Variants in PCMTD1 observed in about 807,000 individuals in gnomAD.
PCMTD1 encodes the protein protein-L-isoaspartate (D-aspartate) O-methyltransferase domain containing 1, also known as protein-L-isoaspartate O-methyltransferase domain-containing protein 1.
PCMTD1 carries 12 observed loss-of-function variants against 37.6 expected under a neutral mutation model. The ratio of observed to expected loss-of-function variants is 0.32; its 90% CI spans 0.20 to 0.52. The LOEUF is 0.52. Among genes scored for constraint, PCMTD1 ranks in the 20% least tolerant of loss-of-function variants. The pLI is 0.97. For synonymous variants in PCMTD1, 117 were observed against 135.8 expected (o/e 0.86, Z 0.96); for missense variants, 235 against 421.3 (o/e 0.56, Z 3.87).
intron 1 of PCMTD1, among the ~76,000 whole-genome samples, chr8:51,895,234 A>T (rs1415994079): frequency 6.6e-6 from 1 of 152,254 alleles, no homozygotes; most frequent in Non-Finnish European, 1.5e-5. Flanking sequence ...GGAGAGTTGG[A>T]GATGCCAGTT....
intron 3 of PCMTD1, chr8:51,845,009 G>C (rs1213031537): frequency 6.6e-6 from 1 of 152,180 alleles, no homozygotes; most frequent in Admixed American, 6.6e-5. Context: ...CAATTTCAAA[G>C]AGCTCATGGA....
intron 3 of PCMTD1, among the ~76,000 whole-genome samples, chr8:51,836,334 A>G (rs758528159): frequency 6.6e-6 from 1 of 152,238 alleles, no homozygotes; most frequent in Non-Finnish European, 1.5e-5. Context: ...AGAACAATGT[A>G]AAATATCTAA....
chr8:51,872,025 G>T (rs1246869095), intron 1 of PCMTD1, among the ~76,000 whole-genome samples: 3 of 152,138 alleles, frequency 2.0e-5, no homozygotes, highest in Non-Finnish European at 4.4e-5. Flanking sequence ...ACTTGGCTTG[G>T]AAACAGTGTG....
In PCMTD1 at chr8:51,831,556, A is replaced by C; in HGVS notation, c.594T>G (p.Ile198Met). ...CCCAAGTGTTCTGTCCAGTTCGCAT[A>C]ATCTGTGTTAACTATTTAGAGAAAA... ...VMPIEDQLTQ[I>M]MRTGQNTWES... Residue 198 changes from isoleucine (I) to methionine (M), a missense_variant, in exon 5 of 6, where the codon ATT becomes ATG. Ile to Met is a conservative substitution (Grantham distance 10). Transcript: ENST00000522514. 1.9e-6 allele frequency: 3 copies of C among 1,611,918 alleles called. No homozygotes were observed. Among genetic ancestry groups the C allele is most frequent in the Non-Finnish European group, 2.5e-6 (3 of 1,179,028 alleles).
intron 3 of PCMTD1, chr8:51,839,720 C>T (rs1178999625): frequency 1.7e-6 from 1 of 593,840 alleles, no homozygotes; most frequent in Non-Finnish European, 2.1e-6. Flanking sequence ...TTATCACGTG[C>T]CACAGGATGC....
At chr8:51,892,454 G>A (rs567519595) in intron 1 of PCMTD1, among the ~76,000 whole-genome samples, 2 of 152,132 alleles carry the variant, frequency 1.3e-5, no homozygotes, top group South Asian at 4.1e-4. Flanking sequence ...TAACCCCACA[G>A]TTCTCTCCAT....
chr8:51,881,311 A>C (rs575801618), intron 1 of PCMTD1, among the ~76,000 whole-genome samples: 21 of 152,298 alleles, frequency 1.4e-4, no homozygotes, highest in African/African-American at 4.8e-4. Flanking sequence ...AATAATGCCC[A>C]GCAATATCTC....
intron 1 of PCMTD1, among the ~76,000 whole-genome samples, chr8:51,872,315 T>C (rs1017454725): frequency 6.6e-6 from 1 of 152,148 alleles, no homozygotes; most frequent in Non-Finnish European, 1.5e-5. Flanking sequence ...AAGATCCACA[T>C]ATCTTTCAGC....
intron 3 of PCMTD1, among the ~76,000 whole-genome samples, chr8:51,840,630 T>A (rs2038134809): frequency 6.6e-6 from 1 of 152,052 alleles, no homozygotes; most frequent in African/African-American, 2.4e-5. Context: ...ATGAAGTGAA[T>A]AAAAGATGAC....
chr8:51,859,154 G>C (rs1393922851), intron 2 of PCMTD1, among the ~76,000 whole-genome samples: 3 of 152,100 alleles, frequency 2.0e-5, no homozygotes, highest in Non-Finnish European at 2.9e-5. Flanking sequence ...GCACTTTCAG[G>C]CTGGCCAAAC....
At chr8:51,892,930 G>A (rs2038955805) in intron 1 of PCMTD1, among the ~76,000 whole-genome samples, 1 of 152,174 alleles carries the variant, frequency 6.6e-6, no homozygotes, top group Non-Finnish European at 1.5e-5. Context: ...GGCTGAGGAA[G>A]ATACATTTTC....
intron 1 of PCMTD1, among the ~76,000 whole-genome samples, chr8:51,885,878 T>C (rs2038858949): frequency 6.6e-6 from 1 of 152,224 alleles, no homozygotes; most frequent in South Asian, 2.1e-4. Flanking sequence ...ACAAAAACAC[T>C]TTCAAAGATA....
chr8:51,893,253 TATTA>T (rs2129295995), intron 1 of PCMTD1, among the ~76,000 whole-genome samples: 1 of 152,310 alleles, frequency 6.6e-6, no homozygotes, highest in East Asian at 1.9e-4. Flanking sequence ...ATTAATTACT[TATTA>T]GTTAGATAAA....
At chr8:51,826,252 A>T (rs1468281588) in intron 5 of PCMTD1, among the ~76,000 whole-genome samples, 1 of 152,238 alleles carries the variant, frequency 6.6e-6, no homozygotes, top group Non-Finnish European at 1.5e-5. Flanking sequence ...ATTCTCAGCA[A>T]ACTATCACAA....
intron 5 of PCMTD1, among the ~76,000 whole-genome samples, chr8:51,827,721 C>A (rs1443491171): frequency 1.3e-5 from 2 of 152,134 alleles, no homozygotes; most frequent in African/African-American, 4.8e-5. Flanking sequence ...ACAATTATCA[C>A]TCTTCCCATC....
intron 5 of PCMTD1, among the ~76,000 whole-genome samples, chr8:51,825,413 G>GCA (rs1563334736): frequency 1.4e-5 from 1 of 71,254 alleles, no homozygotes; most frequent in African/African-American, 2.6e-5. Context: ...AGATATTTAT[G>GCA]GCCGGGCGCG....
intron 3 of PCMTD1, among the ~76,000 whole-genome samples, chr8:51,834,741 G>T (rs1358532167): frequency 6.6e-6 from 1 of 152,084 alleles, no homozygotes; most frequent in Non-Finnish European, 1.5e-5. Context: ...TACACAATAA[G>T]TTTCCATTCA....
chr8:51,853,085 CG>C (rs1306400019), intron 2 of PCMTD1, among the ~76,000 whole-genome samples: 1 of 152,124 alleles, frequency 6.6e-6, no homozygotes, highest in Non-Finnish European at 1.5e-5. Context: ...TGAAGAAAGA[CG>C]AAAGATTCAC....
At chr8:51,875,679 TATA>T (rs1563358013) in intron 1 of PCMTD1, among the ~76,000 whole-genome samples, 1 of 152,186 alleles carries the variant, frequency 6.6e-6, no homozygotes, top group Admixed American at 6.5e-5. Context: ...GGCTCATGCC[TATA>T]ATCTCAGCAC....
Sources: allele counts gnomAD v4.1 joint callset (sites outside exome capture counted in the v4.1 genomes callset), GRCh38; gene constraint gnomAD v4.1.1; transcripts MANE v1.5; gene names NCBI Gene and HGNC (gene_info 2026-07-23, HGNC 2026-07-21).